Variants in PARP9 observed in about 807,000 individuals in gnomAD.
The protein encoded by PARP9 is poly(ADP-ribose) polymerase family member 9, also known as protein mono-ADP-ribosyltransferase PARP9.
Under a neutral mutation model 68.8 loss-of-function variants are expected in PARP9, and 48 were observed. The observed-to-expected ratio is 0.70, with a 90% CI of 0.55 to 0.89. The LOEUF (loss-of-function observed/expected upper bound fraction) is 0.89, where lower values mean the gene tolerates loss of function less well. Among genes scored for constraint, PARP9 ranks in the 40% least tolerant of loss-of-function variants. The probability of loss-of-function intolerance (pLI) is 0.00; values close to 1 mark genes in which losing one functional copy is unlikely to be tolerated. For missense variants in PARP9, 806 were observed against 969.3 expected (o/e 0.83, Z 2.24); for synonymous variants, 309 against 333.8 (o/e 0.93, Z 0.81).
At position 122,562,165 on chromosome 3, in the gene PARP9, TTTC is replaced by T. The variant is rs200074579; in HGVS notation, c.-90+2077_-90+2079del. On this transcript the variant is annotated intron_variant, in intron 1 of 10. Coordinates refer to ENST00000682323, the MANE Select transcript of PARP9 (RefSeq NM_001146105.2). Reference sequence around the variant, plus strand: ...GAGCTGTGGCAATATACTCTTTTCTTTTCTTTTCTTTTCTTTTCTTTTCTTTTC... The same window carrying T: ...GAGCTGTGGCAATATACTCTTTTCTTTTTTCTTTTCTTTTCTTTTCTTTTC... 0.01 allele frequency among the ~76,000 whole-genome samples: 514 copies of T among 50,122 alleles called. 11 individuals are homozygous for T. The East Asian group carries it at 0.27, about 26-fold the overall frequency. The allele number at this position is 50,122 out of a possible 152,430, so 32.9% of individuals were successfully genotyped here.
Position 122,563,560 on chromosome 3 carries a change from C to A in PARP9, c.-90+685G>T, listed in dbSNP as rs2080417842. Among the ~76,000 whole-genome samples, 3 of 152,228 alleles carry A rather than the reference C, an allele frequency of 2.0e-5. No homozygotes were observed. In the South Asian group the frequency reaches 6.2e-4, roughly 32 times the overall value. On this transcript the variant is annotated intron_variant, in intron 1 of 10. Transcript: ENST00000682323. ...AAAAATTTTAGAATGAACCTACTGG[C>A]TCCCATTGTATTTCTGCTGGACAGT...
rs929874680 is a variant in PARP9, at chr3:122,528,306, A to G, written c.*58T>C. On this transcript the variant is annotated 3_prime_UTR_variant, in exon 11 of 11. Transcript: ENST00000682323. ...GCCACTCTTTGAGCCATCGATGGTC[A>G]TTATTTGGTTAGTTCACCCAAGGTA... The G allele has an allele frequency of 1.3e-6, 2 of 1,560,374 alleles. No homozygotes were observed. The highest frequency in any genetic ancestry group is 2.7e-5 in the African/African-American group (2 of 73,618).
Position 122,536,183 on chromosome 3 carries a change from A to G in PARP9, c.2065T>C (p.Tyr689His), listed in dbSNP as rs764588473. 8.1e-6 allele frequency: 13 copies of G among 1,614,084 alleles called. No homozygotes were observed. The highest frequency in any genetic ancestry group is 2.2e-5 in the South Asian group (2 of 91,090). Residue 689 changes from tyrosine (Y) to histidine (H), a missense_variant, in exon 10 of 11, where the codon TAC (tyrosine) becomes CAC (histidine). Tyr to His is a moderately conservative substitution (Grantham distance 83). Around this residue, in one of 2 missense-constraint regions of PARP9, gnomAD observed 680 missense variants for 858.8 expected, o/e 0.79. Transcript: ENST00000682323. ...VVCRVGFQRM[Y>H]STPCDPKYGA... Reference sequence around the variant, plus strand: ...TGACACCTACCGCAAGGTGTCGAGTACATTCTTTGAAAGCCAACTCTGCAT... The same window carrying G: ...TGACACCTACCGCAAGGTGTCGAGTGCATTCTTTGAAAGCCAACTCTGCAT...
At chr3:122,558,260 C>T in intron 3 of PARP9, 174 bp downstream of exon 3, 1 of 1,527,570 alleles carries the variant, frequency 6.5e-7, no homozygotes, top group South Asian at 1.2e-5. Context: ...GAGAATATGC[C>T]TGCTGGTCGG....
intron 10 of PARP9, chr3:122,535,876 C>A: frequency 5.0e-6 from 6 of 1,202,540 alleles, no homozygotes; most frequent in Admixed American, 4.3e-5. Flanking sequence ...AACGTGTTCT[C>A]TGCGGATAGG....
chr3:122,542,218 C>T (rs1244004862), intron 7 of PARP9, among the ~76,000 whole-genome samples: 1 of 149,978 alleles, frequency 6.7e-6, no homozygotes, highest in African/African-American at 2.5e-5. Context: ...CTCTCCCTCC[C>T]CCTACCCCTT....
At chr3:122,558,593 G>T in intron 2 of PARP9, 126 bp from the exon 3 acceptor site, 1 of 1,130,042 alleles carries the variant, frequency 8.8e-7, no homozygotes, top group Non-Finnish European at 1.2e-6. Flanking sequence ...GTTTGGGAGG[G>T]CAGGAAGCAT....
In PARP9 at chr3:122,528,325, C is replaced by A; in HGVS notation, c.*39G>T. On this transcript the variant is annotated 3_prime_UTR_variant, in exon 11 of 11. Transcript: ENST00000682323. ...ATGGTCATTATTTGGTTAGTTCACC[C>A]AAGGTAAGGCCATACCAGCTGTTAA... 1 of 1,580,086 alleles carries A rather than the reference C, an allele frequency of 6.3e-7. No homozygotes were observed. The highest frequency in any genetic ancestry group is 1.2e-5 in the South Asian group (1 of 84,544).
rs200105148 is a variant in PARP9 at position 122,548,748 on chromosome 3, A to C, written c.1326+1836T>G. On this transcript the variant is annotated intron_variant, in intron 6 of 10. Coordinates refer to ENST00000682323, the MANE Select transcript of PARP9 (RefSeq NM_001146105.2). ...CTCCCCTCCAACACATGGACCCCAA[A>C]TGTGTTAGACCACAGCTGATTTCCT... is the stretch of plus-strand genomic sequence containing the variant. Among the ~76,000 whole-genome samples the C allele has an allele frequency of 3.9e-5, 6 of 152,258 alleles. No homozygotes were observed. In the East Asian group the frequency reaches 1.2e-3, roughly 29 times the overall value.
At chr3:122,529,929 AC>A (rs1335598344) in intron 10 of PARP9, among the ~76,000 whole-genome samples, 7 of 151,164 alleles carry the variant, frequency 4.6e-5, no homozygotes, top group African/African-American at 1.7e-4. Flanking sequence ...GGTGGTACAC[AC>A]CTGTAATCCC....
At position 122,540,716 on chromosome 3, in the gene PARP9, G is replaced by T. The variant is rs1372570415; in HGVS notation, c.1521C>A (p.Asn507Lys). The change falls in exon 8 of 11, where the codon AAC becomes AAA. Residue 507 changes from asparagine (N) to lysine (K), a missense_variant. Transcript: ENST00000682323. Reference protein sequence around the residue: ...AWIQRILSLQNHHIIENNHIL... With the variant: ...AWIQRILSLQKHHIIENNHIL... ...TATGATTATTCTCAATGATGTGGTG[G>T]TTCTGGAGACTCAGGATTCTTTGGA... 24 of 1,614,090 alleles carry T rather than the reference G, an allele frequency of 1.5e-5. No individual in the cohort carries two copies. Among genetic ancestry groups the T allele is most frequent in the Non-Finnish European group, 2.0e-5 (24 of 1,180,036 alleles).
chr3:122,545,102 T>C (rs2107643187), intron 7 of PARP9, among the ~76,000 whole-genome samples: 1 of 152,326 alleles, frequency 6.6e-6, no homozygotes, highest in Non-Finnish European at 1.5e-5. Flanking sequence ...TATTTAGATG[T>C]TCAGAGCAGA....
intron 1 of PARP9, among the ~76,000 whole-genome samples, chr3:122,560,763 C>T (rs1576447757): frequency 6.6e-6 from 1 of 152,316 alleles, no homozygotes; most frequent in South Asian, 2.1e-4. Context: ...TCTTACTCAT[C>T]AAGGGAAAGC....
intron 1 of PARP9, among the ~76,000 whole-genome samples, chr3:122,560,873 C>T (rs527270224): frequency 5.3e-5 from 8 of 152,302 alleles, no homozygotes; most frequent in African/African-American, 1.9e-4. Flanking sequence ...AGGATGACTT[C>T]ATCTGCTTTG....
At position 122,559,633 on chromosome 3, in the gene PARP9, CG is replaced by C; in HGVS notation, c.-14del. On this transcript the variant is annotated 5_prime_UTR_variant, in exon 2 of 11. Coordinates refer to ENST00000682323, the MANE Select transcript of PARP9 (RefSeq NM_001146105.2). Reference sequence around the variant, plus strand: ...TGGAAAAGTCCATCCTCCAGGTCCCCGGGGGAGTCTTTAAATGTTTATTCCC... The same window carrying C: ...TGGAAAAGTCCATCCTCCAGGTCCCCGGGGAGTCTTTAAATGTTTATTCCC... 6.3e-7 allele frequency: 1 copy of C among 1,586,842 alleles called. No individual in the cohort carries two copies. The highest frequency in any genetic ancestry group is 1.3e-5 in the African/African-American group (1 of 74,448).
At chr3:122,543,056 G>A (rs1215574594) in intron 7 of PARP9, among the ~76,000 whole-genome samples, 5 of 151,768 alleles carry the variant, frequency 3.3e-5, no homozygotes, top group African/African-American at 7.3e-5. Flanking sequence ...ACAGGCACAC[G>A]CCACCATGCC....
At chr3:122,562,245 C>T (rs754462734) in intron 1 of PARP9, among the ~76,000 whole-genome samples, 4 of 151,448 alleles carry the variant, frequency 2.6e-5, no homozygotes, top group South Asian at 2.1e-4. Context: ...GGCTGTGGCG[C>T]GATCTTGGCT....
At chr3:122,542,688 C>G (rs974751265) in intron 7 of PARP9, among the ~76,000 whole-genome samples, 5 of 151,578 alleles carry the variant, frequency 3.3e-5, no homozygotes, top group African/African-American at 1.2e-4. Context: ...CCATGTTGGC[C>G]AGGCTGGTCT....
chr3:122,559,641 T>C lies in PARP9; in HGVS notation c.-21A>G, dbSNP rs1255640953. On this transcript the variant is annotated 5_prime_UTR_variant, in exon 2 of 11. Transcript: ENST00000682323. ...TCCATCCTCCAGGTCCCCGGGGGAG[T>C]CTTTAAATGTTTATTCCCTTTTGCG... 1 of 1,582,210 alleles carries C rather than the reference T, an allele frequency of 6.3e-7. No homozygotes were observed. Among genetic ancestry groups the C allele is most frequent in the Non-Finnish European group, 8.6e-7 (1 of 1,165,016 alleles).
Sources: gnomAD v4.1 joint callset for allele counts (sites outside exome capture counted in the v4.1 genomes callset) on GRCh38, gnomAD v4.1.1 for gene constraint, gnomAD v4.1.1 regional missense constraint, MANE v1.5 for transcripts, NCBI Gene and HGNC (gene_info 2026-07-23, HGNC 2026-07-21) for gene names.